Variants in CLVS1 observed in about 807,000 individuals in gnomAD.
CLVS1 encodes clavesin-1.
CLVS1 carries 10 observed loss-of-function variants against 33.1 expected under a neutral mutation model. The ratio of observed to expected loss-of-function variants is 0.30; its 90% CI spans 0.19 to 0.51. CLVS1 has a LOEUF of 0.51. CLVS1 is among the 20% of genes least tolerant of loss of function. The probability of loss-of-function intolerance (pLI) is 0.97; values close to 1 mark genes in which losing one functional copy is unlikely to be tolerated. For synonymous variants in CLVS1, 163 were observed against 166.1 expected (o/e 0.98, Z 0.14); for missense variants, 343 against 433.4 (o/e 0.79, Z 1.85).
rs570375658 is a variant in CLVS1 at position 61,116,517 on chromosome 8, G to A, written c.-242-15253G>A. ...TTATGGTTTTAGGTCTAACATTTAA[G>A]TCTTTAATCCATCTTGAATTGATTT... On this transcript the variant is annotated intron_variant, in intron 1 of 2. Transcript: ENST00000522621. 4.3e-3 allele frequency among the ~76,000 whole-genome samples: 662 copies of A among 152,306 alleles called. 4 individuals are homozygous for A. Among genetic ancestry groups the A allele is most frequent in the Middle Eastern group, 6.8e-3 (2 of 294 alleles).
rs1818098867 is a variant in CLVS1, at chr8:61,479,506, T to A, written c.978-19949T>A. 2.6e-5 allele frequency among the ~76,000 whole-genome samples: 4 copies of A among 152,188 alleles called. No individual in the cohort carries two copies. In the South Asian group the frequency reaches 8.3e-4, roughly 32 times the overall value. On this transcript the variant is annotated intron_variant, in intron 5 of 5. Transcript: ENST00000325897. Reference sequence around the variant, plus strand: ...CGTCTAATTTTTTTTTCAAGGTTTTTAACTTCTTTGCCATTGGTTCTAACT... The same window carrying A: ...CGTCTAATTTTTTTTTCAAGGTTTTAAACTTCTTTGCCATTGGTTCTAACT...
intron 1 of CLVS1, among the ~76,000 whole-genome samples, chr8:61,099,634 T>C (rs1254360844): frequency 1.3e-5 from 2 of 152,116 alleles, no homozygotes; most frequent in African/African-American, 4.8e-5. Flanking sequence ...TCTGAAAGAC[T>C]ACATAGAGGG....
intron 2 of CLVS1, among the ~76,000 whole-genome samples, chr8:61,322,502 A>C (rs1252567529): frequency 6.6e-6 from 1 of 152,178 alleles, no homozygotes; most frequent in Non-Finnish European, 1.5e-5. Context: ...CTGGGTGCCT[A>C]GAGTTTGCTT....
intron 5 of CLVS1, among the ~76,000 whole-genome samples, chr8:61,467,695 A>G (rs752022874): frequency 2.0e-4 from 30 of 152,172 alleles, no homozygotes; most frequent in Non-Finnish European, 3.5e-4. Flanking sequence ...AGGGGGAGAA[A>G]GTGGGGATTT....
intron 3 of CLVS1, among the ~76,000 whole-genome samples, chr8:61,438,186 C>T (rs1388624840): frequency 1.3e-5 from 2 of 152,132 alleles, no homozygotes; most frequent in East Asian, 3.9e-4. Context: ...CACCCCCAAC[C>T]TCCCCCAACA....
At chr8:61,014,291 A>G in the CLVS1 span, among the ~76,000 whole-genome samples, 3 of 152,132 alleles carry the variant, frequency 2.0e-5, no homozygotes, top group Non-Finnish European at 4.4e-5. Flanking sequence ...ACCATGGGCT[A>G]CGTGGAAACT....
chr8:61,109,612 T>C (rs1371204816), intron 1 of CLVS1, among the ~76,000 whole-genome samples: 1 of 152,240 alleles, frequency 6.6e-6, no homozygotes, highest in East Asian at 1.9e-4. Flanking sequence ...ATGGTTTGCA[T>C]GTGCCCTCCA....
chr8:61,365,576 G>A (rs2129600479), intron 2 of CLVS1, among the ~76,000 whole-genome samples: 1 of 152,140 alleles, frequency 6.6e-6, no homozygotes, highest in South Asian at 2.1e-4. Context: ...TTGGAAGTAG[G>A]AGTAATGTGA....
At chr8:61,187,992 T>A (rs2931311) in intron 2 of CLVS1, among the ~76,000 whole-genome samples, 78,479 of 151,842 alleles carry the variant, frequency 0.52, 21,018 homozygotes, top group Middle Eastern at 0.69. Context: ...AAAAATTGCA[T>A]GAGCATCTGG....
At chr8:61,181,082 A>G (rs990851784) in intron 2 of CLVS1, among the ~76,000 whole-genome samples, 1 of 152,070 alleles carries the variant, frequency 6.6e-6, no homozygotes, top group African/African-American at 2.4e-5. Context: ...TATTGGGAAA[A>G]CTCCATAGTC....
chr8:61,241,608 A>AT (rs1808699660), intron 2 of CLVS1, among the ~76,000 whole-genome samples: 1 of 152,176 alleles, frequency 6.6e-6, no homozygotes, highest in African/African-American at 2.4e-5. Context: ...TCTCTCCACC[A>AT]TTTTTTATGG....
At chr8:61,294,244 A>T (rs1810105760) in intron 1 of CLVS1, among the ~76,000 whole-genome samples, 1 of 152,106 alleles carries the variant, frequency 6.6e-6, no homozygotes, top group Non-Finnish European at 1.5e-5. Flanking sequence ...ACGTGGGTAA[A>T]GTAGGTTTGA....
At chr8:61,137,266 G>A (rs539491274) in intron 2 of CLVS1, among the ~76,000 whole-genome samples, 44 of 152,272 alleles carry the variant, frequency 2.9e-4, no homozygotes, top group Middle Eastern at 3.4e-3. Context: ...AGTACCTGCT[G>A]GTGCCAGGTA....
chr8:61,114,773 A>G (rs1213628353), intron 1 of CLVS1, among the ~76,000 whole-genome samples: 1 of 152,222 alleles, frequency 6.6e-6, no homozygotes, highest in Non-Finnish European at 1.5e-5. Context: ...GCCTTCTCAA[A>G]TCTCAGGTTT....
chr8:61,237,649 A>G (rs1808596599), intron 2 of CLVS1, among the ~76,000 whole-genome samples: 1 of 152,182 alleles, frequency 6.6e-6, no homozygotes, highest in African/African-American at 2.4e-5. Flanking sequence ...ACCTTGGGAT[A>G]GGTCATGGCA....
At chr8:61,140,589 G>A (rs61589958) in intron 2 of CLVS1, among the ~76,000 whole-genome samples, 16,520 of 152,054 alleles carry the variant, frequency 0.11, 1,298 homozygotes, top group East Asian at 0.44. Context: ...TCGAGACGGA[G>A]TCTCGCTGTG....
intron 2 of CLVS1, among the ~76,000 whole-genome samples, chr8:61,188,056 A>T (rs1378662864): frequency 2.0e-5 from 3 of 152,070 alleles, no homozygotes; most frequent in African/African-American, 7.2e-5. Context: ...TTTTGTTTTG[A>T]TGGCTTTATG....
At chr8:61,052,720 G>T (rs1422169500), upstream of CLVS1, among the ~76,000 whole-genome samples, 5 of 152,188 alleles carry the variant, frequency 3.3e-5, no homozygotes, top group Non-Finnish European at 7.3e-5. Flanking sequence ...GCCAAGAGCA[G>T]GTGGCGTGGG....
At chr8:61,453,877 A>G (rs114594378) in intron 3 of CLVS1, among the ~76,000 whole-genome samples, 166 of 152,322 alleles carry the variant, frequency 1.1e-3, no homozygotes, top group African/African-American at 3.7e-3. Context: ...AAGGTCATGT[A>G]ACTGTGATTT....
Sources: allele counts gnomAD v4.1 joint callset (sites outside exome capture counted in the v4.1 genomes callset), GRCh38; gene constraint gnomAD v4.1.1; transcripts MANE v1.5; gene names NCBI Gene and HGNC (gene_info 2026-07-23, HGNC 2026-07-21).